The following LIPC variants were observed in gnomAD, a reference collection of about 807,000 sequenced individuals.
LIPC encodes the protein hepatic triacylglycerol lipase.
Under a neutral mutation model 50.7 loss-of-function variants are expected in LIPC, and 44 were observed. The ratio of observed to expected loss-of-function variants is 0.87; its 90% CI spans 0.68 to 1.11. The LOEUF is 1.11. LIPC is among the 50% of genes most tolerant of loss of function. LIPC has a pLI of 0.00. For synonymous variants in LIPC, 271 were observed against 256.4 expected (o/e 1.06, Z -0.54); for missense variants, 697 against 648.2 (o/e 1.08, Z -0.82).
chr15:58,540,201 C>T (rs1437689422), intron 2 of LIPC, among the ~76,000 whole-genome samples: 1 of 152,224 alleles, frequency 6.6e-6, no homozygotes, highest in Non-Finnish European at 1.5e-5. Context: ...ACAGGAGCCT[C>T]TTACCAGGAT....
At chr15:58,534,773 A>G (rs1178879369) in intron 1 of LIPC, among the ~76,000 whole-genome samples, 3 of 152,222 alleles carry the variant, frequency 2.0e-5, no homozygotes, top group Admixed American at 6.5e-5. Flanking sequence ...CAGCAGCCTT[A>G]TAAGATCACA....
intron 1 of LIPC, among the ~76,000 whole-genome samples, chr15:58,441,519 G>A (rs1284976210): frequency 2.6e-5 from 4 of 152,068 alleles, no homozygotes; most frequent in African/African-American, 7.2e-5. Flanking sequence ...TTTTAGAGAC[G>A]TAAACATTCA....
intron 8 of LIPC, chr15:58,566,004 C>T (rs766357839): frequency 2.0e-5 from 20 of 984,676 alleles, no homozygotes; most frequent in East Asian, 2.3e-4. Flanking sequence ...ATTTTACTAA[C>T]GGTGTGGTCC....
intron 1 of LIPC, among the ~76,000 whole-genome samples, chr15:58,462,799 C>T (rs1894402044): frequency 6.6e-6 from 1 of 152,190 alleles, no homozygotes; most frequent in African/African-American, 2.4e-5. Context: ...AACCCACTGG[C>T]TGAGCTCTGG....
intron 1 of LIPC, chr15:58,473,979 T>C (rs537054110): frequency 6.6e-6 from 1 of 152,390 alleles, no homozygotes; most frequent in Admixed American, 6.5e-5. Context: ...TTTTTATTAA[T>C]GACTCATTTT....
chr15:58,547,074 C>T (rs1273035203), intron 5 of LIPC, among the ~76,000 whole-genome samples: 3 of 152,148 alleles, frequency 2.0e-5, no homozygotes, highest in African/African-American at 7.2e-5. Context: ...GCTTTATTTT[C>T]CTGGTAAACA....
intron 1 of LIPC, chr15:58,432,353 G>C (rs562483146): frequency 1.8e-5 from 10 of 571,090 alleles, no homozygotes; most frequent in Admixed American, 3.0e-5. Context: ...CCTGCAGCTA[G>C]CAGTGAAGTC....
In LIPC at chr15:58,507,021, T is replaced by A. The variant is rs112705514; in HGVS notation, c.89-31312T>A. Among the ~76,000 whole-genome samples the A allele has an allele frequency of 9.6e-3, 1,465 of 152,230 alleles. 25 individuals carry two copies. The highest frequency in any genetic ancestry group is 0.034 in the African/African-American group (1,422 of 41,522). ...AAGCTCCTTATAAAACCATCAGATC[T>A]CGTGAGAACTCACTGTCACAAGAAC... On this transcript the variant is annotated intron_variant, in intron 1 of 8. Transcript: ENST00000299022.
chr15:58,540,122 C>G (rs1277048271), intron 2 of LIPC, among the ~76,000 whole-genome samples: 1 of 152,190 alleles, frequency 6.6e-6, no homozygotes, highest in Non-Finnish European at 1.5e-5. Flanking sequence ...AATCAGTGCT[C>G]CAAAATGTTT....
At chr15:58,547,138 G>A (rs2242066) in intron 5 of LIPC, among the ~76,000 whole-genome samples, 27,852 of 152,080 alleles carry the variant, frequency 0.18, 2,757 homozygotes, top group South Asian at 0.31. Context: ...TCAAAGTGAC[G>A]GAACCAAATG....
chr15:58,443,156 C>T (rs540759512), intron 1 of LIPC, among the ~76,000 whole-genome samples: 2 of 152,274 alleles, frequency 1.3e-5, no homozygotes, highest in South Asian at 4.1e-4. Context: ...AAGTGATCTG[C>T]CCACCTCAGC....
chr15:58,432,379 A>G (rs369341836), intron 1 of LIPC: 2 of 519,754 alleles, frequency 3.8e-6, no homozygotes, highest in South Asian at 4.3e-5. Flanking sequence ...CGTATCTGAT[A>G]TGGAAACAGT....
Position 58,519,501 on chromosome 15 carries a change from C to T in LIPC, c.89-18832C>T, listed in dbSNP as rs769541631. Among the ~76,000 whole-genome samples, 107 of 152,248 alleles carry T rather than the reference C, an allele frequency of 7.0e-4. 2 individuals carry two copies. Among genetic ancestry groups the T allele is most frequent in the Non-Finnish European group, 1.5e-3 (100 of 68,008 alleles). The stretch of plus-strand genomic sequence containing the variant: ...GAGTTACTCTGAATTTCTCTGCTGC[C>T]CCCTCTGCCTCACCTCCCATGCATT... On this transcript the variant is annotated intron_variant, in intron 1 of 8. Transcript: ENST00000299022.
At chr15:58,452,830 T>C (rs1387992149) in intron 1 of LIPC, among the ~76,000 whole-genome samples, 3 of 152,162 alleles carry the variant, frequency 2.0e-5, no homozygotes, top group Non-Finnish European at 4.4e-5. Flanking sequence ...GTAGTGAGGG[T>C]ACAGCTGGGG....
At chr15:58,567,210 A>ATAT (rs1403872056) in intron 8 of LIPC, among the ~76,000 whole-genome samples, 5 of 106,068 alleles carry the variant, frequency 4.7e-5, no homozygotes, top group South Asian at 3.9e-4. Flanking sequence ...CAAAAAAAAT[A>ATAT]AAAAATATAT....
chr15:58,452,858 C>G (rs1192875176), intron 1 of LIPC, among the ~76,000 whole-genome samples: 2 of 152,180 alleles, frequency 1.3e-5, no homozygotes, highest in Non-Finnish European at 2.9e-5. Context: ...AGGTCCTCAT[C>G]TCTTGTGAGT....
intron 1 of LIPC, among the ~76,000 whole-genome samples, chr15:58,476,503 T>G (rs1326376347): frequency 4.6e-5 from 7 of 152,234 alleles, no homozygotes; most frequent in Non-Finnish European, 8.8e-5. Flanking sequence ...CCCTCCTGCA[T>G]GCAGCTGGGG....
intron 1 of LIPC, among the ~76,000 whole-genome samples, chr15:58,515,063 T>C (rs1270920530): frequency 2.0e-5 from 3 of 152,166 alleles, no homozygotes; most frequent in African/African-American, 7.2e-5. Flanking sequence ...CTCCTTCCTA[T>C]ATCTTTAAAG....
At chr15:58,548,890 C>T (rs936432577) in intron 6 of LIPC, among the ~76,000 whole-genome samples, 3 of 152,196 alleles carry the variant, frequency 2.0e-5, no homozygotes, top group African/African-American at 7.2e-5. Context: ...CTGGGCCACC[C>T]GGATCTCACT....
Sources: allele counts gnomAD v4.1 joint callset (sites outside exome capture counted in the v4.1 genomes callset), GRCh38; gene constraint gnomAD v4.1.1; transcripts MANE v1.5; gene names NCBI Gene and HGNC (gene_info 2026-07-23, HGNC 2026-07-21).